The following NALF1 variants were observed in gnomAD, a reference collection of about 807,000 sequenced individuals.
NALF1 encodes NALCN channel auxiliary factor 1.
In NALF1, 3 loss-of-function variants were observed where a neutral mutation model predicts 48.4. The ratio of observed to expected loss-of-function variants is 0.06; its 90% CI spans 0.03 to 0.16. The LOEUF (loss-of-function observed/expected upper bound fraction) is 0.16. Among genes scored for constraint, NALF1 ranks in the 10% least tolerant of loss-of-function variants. The probability of loss-of-function intolerance (pLI) is 1.00; values close to 1 mark genes in which losing one functional copy is unlikely to be tolerated. For missense variants in NALF1, 526 were observed against 571.5 expected (o/e 0.92, Z 0.81); for synonymous variants, 262 against 245.7 (o/e 1.07, Z -0.62).
intron 1 of NALF1, among the ~76,000 whole-genome samples, chr13:107,687,755 C>T (rs1251733469): frequency 6.6e-6 from 1 of 152,156 alleles, no homozygotes; most frequent in Non-Finnish European, 1.5e-5. Context: ...ACCCACACAA[C>T]ATTTATACTA....
At chr13:107,582,814 T>A (rs1878352646) in intron 1 of NALF1, among the ~76,000 whole-genome samples, 1 of 152,188 alleles carries the variant, frequency 6.6e-6, no homozygotes, top group South Asian at 2.1e-4. Context: ...AAATCCTGTA[T>A]AATTCAGTTT....
chr13:107,554,625 C>T (rs550164580), intron 1 of NALF1, among the ~76,000 whole-genome samples: 1 of 152,292 alleles, frequency 6.6e-6, no homozygotes, highest in African/African-American at 2.4e-5. Context: ...CAAAGCAGGC[C>T]CTGGCCCCCA....
At chr13:107,665,715 T>G (rs4772900) in intron 1 of NALF1, among the ~76,000 whole-genome samples, 82,222 of 151,862 alleles carry the variant, frequency 0.54, 23,413 homozygotes, top group Middle Eastern at 0.71. Flanking sequence ...TCAAAAATAT[T>G]GGAAATAAAA....
At chr13:107,840,601 T>G (rs1417316702) in intron 1 of NALF1, among the ~76,000 whole-genome samples, 2 of 152,216 alleles carry the variant, frequency 1.3e-5, no homozygotes, top group Non-Finnish European at 1.5e-5. Flanking sequence ...TTCAGTGTAC[T>G]TGGTCTCACT....
At chr13:107,637,829 CAT>C (rs112990237) in intron 1 of NALF1, among the ~76,000 whole-genome samples, 28 of 152,190 alleles carry the variant, frequency 1.8e-4, no homozygotes, top group South Asian at 6.2e-4. Flanking sequence ...TAAACCTACA[CAT>C]GTTACATGGG....
intron 1 of NALF1, among the ~76,000 whole-genome samples, chr13:107,568,029 T>G (rs582354): frequency 0.71 from 108,669 of 152,090 alleles, 39,304 homozygotes; most frequent in East Asian, 0.8. Flanking sequence ...CCAGGTGGGA[T>G]TGCAGTGGTG....
intron 1 of NALF1, among the ~76,000 whole-genome samples, chr13:107,558,443 A>C (rs1002791980): frequency 2.6e-5 from 4 of 152,190 alleles, no homozygotes; most frequent in Non-Finnish European, 2.9e-5. Flanking sequence ...ATTTATCCCC[A>C]AATATGGTAT....
chr13:107,208,871 T>C (rs1293931509), intron 2 of NALF1, among the ~76,000 whole-genome samples: 1 of 152,080 alleles, frequency 6.6e-6, no homozygotes, highest in Admixed American at 6.5e-5. Context: ...TCTTTCCCTC[T>C]TCCCTCCTTC....
At chr13:107,494,979 A>C (rs1875282934) in intron 1 of NALF1, among the ~76,000 whole-genome samples, 1 of 152,226 alleles carries the variant, frequency 6.6e-6, no homozygotes, top group South Asian at 2.1e-4. Context: ...TTCTAAACCA[A>C]GCAAAAGAGT....
In NALF1 at chr13:107,867,387, C is replaced by T. The variant is rs1880775168; in HGVS notation, c.-791G>A. Among the ~76,000 whole-genome samples the T allele has an allele frequency of 6.7e-6, 1 of 148,222 alleles. No homozygotes were observed. The highest frequency in any genetic ancestry group is 1.5e-5 in the Non-Finnish European group (1 of 66,712). Reference sequence around the variant, plus strand: ...GGGGCTCCGACTGCTGACGCCGCCTCCCGCGGAGCTCCGGGCCGAATCGCC... The same window carrying T: ...GGGGCTCCGACTGCTGACGCCGCCTTCCGCGGAGCTCCGGGCCGAATCGCC... On this transcript the variant is annotated 5_prime_UTR_variant, in exon 1 of 3. Coordinates refer to ENST00000375915, the MANE Select transcript of NALF1 (RefSeq NM_001080396.3). This position sits in a 1 kb window ranked among gnomAD's most constrained non-coding sequence, Gnocchi z 4.4.
chr13:107,614,443 C>A (rs981571371), intron 1 of NALF1, among the ~76,000 whole-genome samples: 1 of 152,168 alleles, frequency 6.6e-6, no homozygotes, highest in Non-Finnish European at 1.5e-5. Context: ...TTTGTGTGAT[C>A]TTAGGCAAGT....
intron 1 of NALF1, among the ~76,000 whole-genome samples, chr13:107,261,393 T>C (rs909793298): frequency 2.0e-5 from 3 of 152,200 alleles, no homozygotes; most frequent in African/African-American, 7.2e-5. Context: ...ATGAATGCTG[T>C]TGGCTGCGTG....
chr13:107,609,884 G>A (rs1207019647), intron 1 of NALF1, among the ~76,000 whole-genome samples: 2 of 152,144 alleles, frequency 1.3e-5, no homozygotes. Context: ...ATATACATAT[G>A]TGTGTGTGTT....
chr13:107,669,599 G>A (rs2138484390), intron 1 of NALF1, among the ~76,000 whole-genome samples: 1 of 152,266 alleles, frequency 6.6e-6, no homozygotes, highest in East Asian at 1.9e-4. Flanking sequence ...CAGAGCTTGT[G>A]TGAGCTCATC....
chr13:107,211,839 C>G (rs540169982), intron 1 of NALF1, among the ~76,000 whole-genome samples: 213 of 152,254 alleles, frequency 1.4e-3, no homozygotes, highest in Non-Finnish European at 2.5e-3. Context: ...CAACTTTATA[C>G]TCTTTTCTAA....
chr13:107,340,897 T>C (rs1566489884), intron 1 of NALF1, among the ~76,000 whole-genome samples: 1 of 152,166 alleles, frequency 6.6e-6, no homozygotes, highest in Non-Finnish European at 1.5e-5. Context: ...AGTCATATGA[T>C]CACAGTCCTG....
At chr13:107,354,570 A>T (rs1882929423) in intron 1 of NALF1, among the ~76,000 whole-genome samples, 1 of 152,178 alleles carries the variant, frequency 6.6e-6, no homozygotes, top group Non-Finnish European at 1.5e-5. Flanking sequence ...TCCGCCCCCG[A>T]ACAATAGGTA....
At chr13:107,693,451 C>T (rs917243277) in intron 1 of NALF1, among the ~76,000 whole-genome samples, 15 of 151,810 alleles carry the variant, frequency 9.9e-5, no homozygotes, top group African/African-American at 3.6e-4. Flanking sequence ...TGCATATGTA[C>T]CCTAGAACTT....
chr13:107,351,693 C>T (rs967395308), intron 1 of NALF1, among the ~76,000 whole-genome samples: 1 of 152,194 alleles, frequency 6.6e-6, no homozygotes, highest in Non-Finnish European at 1.5e-5. Flanking sequence ...CCATTCTATC[C>T]ATTCCAGATT....
Sources: gnomAD v4.1 joint callset for allele counts (sites outside exome capture counted in the v4.1 genomes callset) on GRCh38, gnomAD v4.1.1 for gene constraint, Gnocchi (gnomAD v3.1) non-coding constraint, MANE v1.5 for transcripts, NCBI Gene and HGNC (gene_info 2026-07-23, HGNC 2026-07-21) for gene names.